CCDC3: variants seen among roughly 807,000 people sequenced by gnomAD.
CCDC3 encodes coiled-coil domain containing 3, also known as coiled-coil domain-containing protein 3.
Under a neutral mutation model 21.4 loss-of-function variants are expected in CCDC3, and 24 were observed. The observed-to-expected ratio is 1.12, with a 90% confidence interval of 0.81 to 1.58. The LOEUF (loss-of-function observed/expected upper bound fraction) is 1.58. Ranked by LOEUF, CCDC3 falls within the 40% of genes most tolerant of loss-of-function variation. The probability of loss-of-function intolerance (pLI) is 0.00; values close to 1 mark genes in which losing one functional copy is unlikely to be tolerated. For synonymous variants in CCDC3, 186 were observed against 166.0 expected, an observed-to-expected ratio of 1.12 and a Z score of -0.93; for missense variants, 425 against 360.9, an observed-to-expected ratio of 1.18 and a Z score of -1.44.
At chr10:12,937,740 G>A (rs1834763561) in intron 2 of CCDC3, among the ~76,000 whole-genome samples, 1 of 152,216 alleles carries the variant, frequency 6.6e-6, no homozygotes. Flanking sequence ...TTGCAGGCAT[G>A]GCTAAGAGAA....
chr10:12,983,962 C>T (rs1324210830), intron 2 of CCDC3, among the ~76,000 whole-genome samples: 1 of 152,168 alleles, frequency 6.6e-6, no homozygotes, highest in Admixed American at 6.5e-5. Flanking sequence ...TGCCTGTAAT[C>T]TCAGCTACTT....
chr10:13,054,697 C>T (rs191815926), intron 4 of CCDC3, among the ~76,000 whole-genome samples: 4 of 152,156 alleles, frequency 2.6e-5, no homozygotes, highest in South Asian at 2.1e-4. Context: ...GCCAGAATTT[C>T]CCTCTTGTTG....
Position 12,898,424 on chromosome 10 carries a change from G to GA in CCDC3, c.804_805insT (p.Arg269SerfsTer23). 6.3e-7 allele frequency: 1 copy of GA among 1,599,536 alleles called. No homozygotes were observed. Among genetic ancestry groups the GA allele is most frequent in the Non-Finnish European group, 8.5e-7 (1 of 1,171,400 alleles). ...GGCAGCCCCCAGGCCCGTTACCCCC[G>GA]CAGGTAGGGGGGGCGCACGGGCCCC... is the stretch of plus-strand genomic sequence containing the variant. On this transcript the variant is annotated frameshift_variant, in exon 3 of 3. Coordinates refer to ENST00000378825, the MANE Select transcript of CCDC3 (RefSeq NM_031455.4). LOFTEE classifies it high-confidence loss of function.
chr10:13,049,474 C>G (rs541743248), intron 5 of CCDC3, among the ~76,000 whole-genome samples: 2 of 152,052 alleles, frequency 1.3e-5, no homozygotes, highest in African/African-American at 4.8e-5. Flanking sequence ...CAACCTGTGA[C>G]GCTGGAAAAG....
chr10:13,002,363 C>T (rs1256402636), upstream of CCDC3, among the ~76,000 whole-genome samples: 11 of 152,074 alleles, frequency 7.2e-5, no homozygotes, highest in Non-Finnish European at 1.0e-4. Context: ...ATCTTTATCT[C>T]TAAAGGCAAC....
intron 2 of CCDC3, among the ~76,000 whole-genome samples, chr10:12,914,899 CT>C (rs1374622879): frequency 6.6e-6 from 1 of 151,766 alleles, no homozygotes; most frequent in East Asian, 1.9e-4. Flanking sequence ...TTAGTTTGTT[CT>C]TCTTTTTGTA....
intron 4 of CCDC3, among the ~76,000 whole-genome samples, chr10:13,070,958 C>T (rs1301773210): frequency 1.3e-5 from 2 of 152,142 alleles, no homozygotes; most frequent in Non-Finnish European, 1.5e-5. Flanking sequence ...TTCCTGTGAA[C>T]CAAACAGCAA....
intron 3 of CCDC3, among the ~76,000 whole-genome samples, chr10:13,093,389 CA>C (rs1832599321): frequency 6.6e-6 from 1 of 152,066 alleles, no homozygotes; most frequent in African/African-American, 2.4e-5. Flanking sequence ...TATCTCCCAC[CA>C]GGTCCCTCCC....
chr10:12,970,562 C>A (rs555364939), intron 2 of CCDC3, among the ~76,000 whole-genome samples: 3 of 152,294 alleles, frequency 2.0e-5, no homozygotes, highest in Non-Finnish European at 2.9e-5. Flanking sequence ...ACATATACAA[C>A]TTTTACTTAA....
intron 2 of CCDC3, among the ~76,000 whole-genome samples, chr10:12,918,158 G>T (rs1834387079): frequency 6.6e-6 from 1 of 152,124 alleles, no homozygotes; most frequent in Non-Finnish European, 1.5e-5. Context: ...TCTTACATAT[G>T]CTAAGGTCTG....
chr10:13,085,238 T>G (rs1390393474), intron 3 of CCDC3, among the ~76,000 whole-genome samples: 1 of 152,168 alleles, frequency 6.6e-6, no homozygotes, highest in African/African-American at 2.4e-5. Context: ...AGCGTGCTGT[T>G]GTGTGCGCAC....
chr10:12,911,050 G>C (rs935363205), intron 2 of CCDC3, among the ~76,000 whole-genome samples: 16 of 152,084 alleles, frequency 1.1e-4, no homozygotes, highest in African/African-American at 3.9e-4. Context: ...TATTCTTAGC[G>C]ACCTCTTCAA....
rs534469265 is a variant in CCDC3, at chr10:13,075,955, C to T, written c.-502-1855G>A. Among the ~76,000 whole-genome samples the T allele has an allele frequency of 2.6e-5, 4 of 152,162 alleles. No individual in the cohort carries two copies. The South Asian group carries it at 8.3e-4, about 32-fold the overall frequency. On this transcript the variant is annotated intron_variant, in intron 3 of 6. Coordinates refer to the CCDC3 transcript ENST00000378839. Reference sequence around the variant, plus strand: ...GCATGTGCCTGTAATCCCAGATATCCAAAGGCTGAGGCAGGAGAATTGCTT... The same window carrying T: ...GCATGTGCCTGTAATCCCAGATATCTAAAGGCTGAGGCAGGAGAATTGCTT...
At position 13,063,273 on chromosome 10, in the gene CCDC3, T is replaced by C. The variant is rs112439562; in HGVS notation, c.-270+10595A>G. On this transcript the variant is annotated intron_variant, in intron 4 of 6. Transcript: ENST00000378839. ...AGCTCTGTCTAGGCAGTGGGCAAGT[T>C]GAACCCCTTGGGTGGTTACAATATA... 4.2e-3 allele frequency among the ~76,000 whole-genome samples: 48 copies of C among 11,362 alleles called. 11 individuals carry two copies. The highest frequency in any genetic ancestry group is 0.02 in the Admixed American group (16 of 798). 7.5% of individuals were successfully genotyped at this position (11,362 alleles called of 152,430 possible).
intron 2 of CCDC3, among the ~76,000 whole-genome samples, chr10:12,923,385 CA>C (rs1262665479): frequency 6.6e-6 from 1 of 152,148 alleles, no homozygotes; most frequent in Non-Finnish European, 1.5e-5. Context: ...GAACATACCC[CA>C]AACATTACTT....
intron 2 of CCDC3, among the ~76,000 whole-genome samples, chr10:12,960,891 C>A (rs1405936487): frequency 2.6e-5 from 4 of 152,162 alleles, no homozygotes; most frequent in African/African-American, 9.7e-5. Context: ...AGAAAGCATT[C>A]TGCACAAACG....
chr10:13,036,933 C>G, intron 5 of CCDC3, among the ~76,000 whole-genome samples: 1 of 152,012 alleles, frequency 6.6e-6, no homozygotes, highest in Non-Finnish European at 1.5e-5. Context: ...GCATGCACCA[C>G]CATGCCCAGC....
chr10:13,001,114 T>G, intron 1 of CCDC3, 83 bp downstream of exon 1: 3 of 1,466,352 alleles, frequency 2.0e-6, no homozygotes, highest in East Asian at 2.6e-5. Context: ...GCCCGGGGAG[T>G]TACCGGCCTG....
chr10:13,088,311 T>G (rs1466678119), intron 3 of CCDC3, among the ~76,000 whole-genome samples: 1 of 152,210 alleles, frequency 6.6e-6, no homozygotes, highest in African/African-American at 2.4e-5. Flanking sequence ...CATGCTGCTC[T>G]AAAGATAGAA....
Sources: gnomAD v4.1 joint callset for allele counts (sites outside exome capture counted in the v4.1 genomes callset) on GRCh38, gnomAD v4.1.1 for gene constraint, MANE v1.5 for transcripts, NCBI Gene and HGNC (gene_info 2026-07-23, HGNC 2026-07-21) for gene names.